The following PTPRA variants were observed in gnomAD, a reference collection of about 807,000 sequenced individuals.
PTPRA encodes receptor-type tyrosine-protein phosphatase alpha.
A neutral mutation model predicts 104.8 loss-of-function variants in PTPRA; 25 were observed. The ratio of observed to expected loss-of-function variants is 0.24; its 90% CI spans 0.17 to 0.33. PTPRA has a LOEUF of 0.33. PTPRA is among the 10% of genes least tolerant of loss of function. PTPRA has a pLI of 1.00. For synonymous variants in PTPRA, 323 were observed against 368.9 expected (o/e 0.88, Z 1.43); for missense variants, 765 against 1,015.3 (o/e 0.75, Z 3.35).
intron 11 of PTPRA, among the ~76,000 whole-genome samples, chr20:3,009,175 T>G (rs2064032443): frequency 6.6e-6 from 1 of 151,984 alleles, no homozygotes; most frequent in South Asian, 2.1e-4. Context: ...TTCGAAAGTT[T>G]AGAACAGCTT....
In PTPRA at chr20:2,975,276, A is replaced by G. The variant is rs112807110; in HGVS notation, c.442+35A>G. ...TCACCTTATATCTGTTGTTCCTTTT[A>G]CACAGTGTACAGTATTCATTTATTT... On this transcript the variant is annotated intron_variant, in intron 6 of 23. Transcript: ENST00000399903. 2.4e-3 allele frequency: 3,721 copies of G among 1,550,078 alleles called. 10 individuals carry two copies. Among genetic ancestry groups the G allele is most frequent in the Non-Finnish European group, 3.0e-3 (3,428 of 1,127,146 alleles).
At position 3,022,366 on chromosome 20, in the gene PTPRA, A is replaced by T. The variant is rs988130923; in HGVS notation, c.1328+146A>T. 4.6e-6 allele frequency: 5 copies of T among 1,092,332 alleles called. No homozygotes were observed. The highest frequency in any genetic ancestry group is 6.6e-6 in the Non-Finnish European group (5 of 762,860). 67.7% of individuals were successfully genotyped at this position (1,092,332 alleles called of 1,614,324 possible). A position where few individuals can be genotyped will look rare whatever the true frequency, so the allele number is the denominator to read the frequency against. On this transcript the variant is annotated intron_variant, in intron 15 of 23. Transcript: ENST00000399903. This position sits in a 1 kb window ranked among gnomAD's most constrained non-coding sequence, Gnocchi z 4.6. ...ACCAGCGCAACAGCCAGAGACTCCA[A>T]GTTCTAGTGCAGGGTGGAGAATATG...
intron 22 of PTPRA, 130 bp downstream of exon 22, chr20:3,036,071 G>C (rs2065786530): frequency 6.8e-7 from 1 of 1,467,888 alleles, no homozygotes; most frequent in African/African-American, 1.4e-5. Context: ...TAGTAGTTGA[G>C]ATTGATGCCA....
chr20:2,965,456 A>G (rs2061909262), intron 5 of PTPRA, among the ~76,000 whole-genome samples: 2 of 152,206 alleles, frequency 1.3e-5, no homozygotes, highest in African/African-American at 4.8e-5. Context: ...GGTAGAGAAG[A>G]AGGCTTAAAA....
At chr20:3,027,956 G>A (rs867925768) in intron 20 of PTPRA, 115 bp downstream of exon 20, 64 of 1,390,114 alleles carry the variant, frequency 4.6e-5, no homozygotes, top group South Asian at 8.2e-5. Context: ...TGACTTATAC[G>A]GTCCAAAGAG....
chr20:2,910,302 A>G (rs1292784792), intron 1 of PTPRA, among the ~76,000 whole-genome samples: 1 of 132,902 alleles, frequency 7.5e-6, no homozygotes, highest in Non-Finnish European at 1.5e-5. Context: ...TGTATTATAT[A>G]TTTTATATAT....
At position 2,964,992 on chromosome 20, in the gene PTPRA, A is replaced by G. The variant is rs1465835091; in HGVS notation, c.205A>G (p.Ile69Val). The G allele has an allele frequency of 3.1e-6, 5 of 1,613,974 alleles. No individual in the cohort carries two copies. The African/African-American group carries it at 4.0e-5, about 13-fold the overall frequency. ...TGTGGCACCAACATTCAGCCCAAATATAACTCTGGGACCCACCTATTTAAC... is the reference window on the plus strand; with the variant it reads ...TGTGGCACCAACATTCAGCCCAAATGTAACTCTGGGACCCACCTATTTAAC... ...LSVAPTFSPN[I>V]TLGPTYLTTV... is the part of the protein sequence containing the mutation. The change falls in exon 5 of 24, where the codon ATA becomes GTA. Residue 69 changes from isoleucine to valine, a missense_variant. Transcript: ENST00000399903.
Position 2,928,604 on chromosome 20 carries a change from A to G in PTPRA, c.-50+5319A>G, listed in dbSNP as rs138167579. Among the ~76,000 whole-genome samples the G allele has an allele frequency of 2.0e-4, 31 of 152,174 alleles. No homozygotes were observed. The East Asian group carries it at 5.4e-3, about 27-fold the overall frequency. On this transcript the variant is annotated intron_variant, in intron 2 of 23. Transcript: ENST00000399903. ...TCTTTTCTGGAAGCTTTTATGTTCT[A>G]TATAGTCTGGAATTCCATAGAGGTG...
At chr20:3,030,903 C>G (rs1024072993) in intron 20 of PTPRA, among the ~76,000 whole-genome samples, 1 of 152,070 alleles carries the variant, frequency 6.6e-6, no homozygotes, top group Non-Finnish European at 1.5e-5. Context: ...TGGTCTCAAA[C>G]TCCTGACCCC....
chr20:2,881,817 A>G (rs570761803), intron 1 of PTPRA, among the ~76,000 whole-genome samples: 37 of 152,314 alleles, frequency 2.4e-4, no homozygotes, highest in Admixed American at 3.9e-4. Context: ...CCTGGCCAAC[A>G]TGGCAAAACC....
intron 5 of PTPRA, among the ~76,000 whole-genome samples, chr20:2,970,699 T>C (rs1413541699): frequency 6.6e-6 from 1 of 152,210 alleles, no homozygotes; most frequent in Non-Finnish European, 1.5e-5. Flanking sequence ...ATTTTTTTAA[T>C]TTAAATATTT....
intron 2 of PTPRA, 60 bp from the exon 3 acceptor site, chr20:2,947,922 T>A (rs751795949): frequency 8.1e-6 from 6 of 744,312 alleles, no homozygotes; most frequent in Non-Finnish European, 1.2e-5. Flanking sequence ...AGGAGGTTGA[T>A]GAATGCTTCA....
At chr20:3,023,767 T>G (rs1427522356) in intron 16 of PTPRA, among the ~76,000 whole-genome samples, 6 of 152,224 alleles carry the variant, frequency 3.9e-5, no homozygotes, top group African/African-American at 1.2e-4. Flanking sequence ...GTCCTCCGTA[T>G]GCTGAGCACC....
chr20:3,007,330 GGTTT>G lies in PTPRA; in HGVS notation c.830-9_830-6del. 1 of 1,610,250 alleles carries G rather than the reference GGTTT, an allele frequency of 6.2e-7. No individual in the cohort carries two copies. The highest frequency in any genetic ancestry group is 8.5e-7 in the Non-Finnish European group (1 of 1,176,766). On this transcript the variant is annotated splice_polypyrimidine_tract_variant and intron_variant, in intron 10 of 23. Coordinates refer to ENST00000399903, the MANE Select transcript of PTPRA (RefSeq NM_001385305.1). The stretch of plus-strand genomic sequence containing the variant: ...ATTTTGATTTTACTGAAATATTGTT[GGTTT>G]GTTTCCTAGATGACCACTCTAGAGT...
At chr20:3,015,158 C>G (rs1224314598) in intron 11 of PTPRA, among the ~76,000 whole-genome samples, 1 of 152,198 alleles carries the variant, frequency 6.6e-6, no homozygotes, top group Non-Finnish European at 1.5e-5. Context: ...AGCTTCATCC[C>G]TGGAACCACC....
At chr20:2,876,469 G>GT (rs761410662) in intron 1 of PTPRA, among the ~76,000 whole-genome samples, 6 of 151,988 alleles carry the variant, frequency 3.9e-5, no homozygotes, top group Non-Finnish European at 4.4e-5. Flanking sequence ...ACCTTACTGG[G>GT]TTTTTTTACT....
chr20:3,008,716 C>T (rs1462331599), intron 11 of PTPRA, among the ~76,000 whole-genome samples: 1 of 139,144 alleles, frequency 7.2e-6, no homozygotes, highest in Non-Finnish European at 1.5e-5. Context: ...GATGGTGAAA[C>T]CTCATCTCTA....
At chr20:2,876,271 C>T (rs1266972540) in intron 1 of PTPRA, among the ~76,000 whole-genome samples, 2 of 152,126 alleles carry the variant, frequency 1.3e-5, no homozygotes, top group Non-Finnish European at 2.9e-5. Flanking sequence ...TTCAAAAGTT[C>T]TAGCAATACA....
intron 20 of PTPRA, among the ~76,000 whole-genome samples, chr20:3,029,727 C>G (rs1485578066): frequency 6.6e-6 from 1 of 151,846 alleles, no homozygotes; most frequent in Non-Finnish European, 1.5e-5. Context: ...GGGGTTTCAC[C>G]ATGTTGGCCA....
Sources: allele counts gnomAD v4.1 joint callset (sites outside exome capture counted in the v4.1 genomes callset), GRCh38; gene constraint gnomAD v4.1.1; non-coding constraint Gnocchi (gnomAD v3.1); transcripts MANE v1.5; gene names NCBI Gene and HGNC (gene_info 2026-07-23, HGNC 2026-07-21).